The following AFG1L variants were observed in gnomAD, a reference collection of about 807,000 sequenced individuals.
The protein encoded by AFG1L is AFG1-like ATPase.
In AFG1L, 53 loss-of-function variants were observed where a neutral mutation model predicts 62.2. The ratio of observed to expected loss-of-function variants is 0.85; its 90% CI spans 0.68 to 1.07. AFG1L has a LOEUF of 1.07. AFG1L is among the 50% of genes least tolerant of loss of function. The probability of loss-of-function intolerance (pLI) is 0.00; values close to 1 mark genes in which losing one functional copy is unlikely to be tolerated. For synonymous variants in AFG1L, 228 were observed against 210.3 expected (o/e 1.08, Z -0.73); for missense variants, 555 against 590.5 (o/e 0.94, Z 0.62).
intron 5 of AFG1L, among the ~76,000 whole-genome samples, chr6:108,357,071 G>A (rs1384490973): frequency 6.6e-6 from 1 of 151,712 alleles, no homozygotes; most frequent in Non-Finnish European, 1.5e-5. Flanking sequence ...ACACACACAT[G>A]CACGTGCACA....
intron 1 of AFG1L, among the ~76,000 whole-genome samples, chr6:108,310,653 C>T (rs1203630235): frequency 6.7e-6 from 1 of 149,964 alleles, no homozygotes; most frequent in Non-Finnish European, 1.5e-5. Context: ...CAGCTCACTG[C>T]AACCTCCACC....
At chr6:108,465,653 G>A (rs1772634818) in intron 8 of AFG1L, among the ~76,000 whole-genome samples, 1 of 94,534 alleles carries the variant, frequency 1.1e-5, no homozygotes, top group Non-Finnish European at 2.0e-5. Context: ...GAGTCATAGA[G>A]TCACTGCTGC....
intron 1 of AFG1L, among the ~76,000 whole-genome samples, chr6:108,307,665 G>A (rs971315249): frequency 1.3e-5 from 2 of 152,144 alleles, no homozygotes; most frequent in African/African-American, 4.8e-5. Flanking sequence ...TATATTTGGT[G>A]CATATATGTA....
intron 12 of AFG1L, 182 bp from the exon 13 acceptor site, chr6:108,522,115 C>T (rs1198881271): frequency 6.5e-6 from 3 of 463,932 alleles, no homozygotes; most frequent in African/African-American, 3.9e-5. Context: ...TGTTTACTGC[C>T]TATCAGTTTA....
At chr6:108,424,136 A>G (rs894561246) in intron 7 of AFG1L, among the ~76,000 whole-genome samples, 1 of 152,036 alleles carries the variant, frequency 6.6e-6, no homozygotes, top group Non-Finnish European at 1.5e-5. Context: ...TGGGATGAGA[A>G]GGCAATCTTT....
intron 7 of AFG1L, among the ~76,000 whole-genome samples, chr6:108,425,250 G>T (rs1011041833): frequency 6.6e-6 from 1 of 152,082 alleles, no homozygotes; most frequent in Non-Finnish European, 1.5e-5. Flanking sequence ...GGTTACACAT[G>T]GTAGACATTT....
chr6:108,460,348 A>G (rs1310748954), intron 8 of AFG1L, among the ~76,000 whole-genome samples: 1 of 152,132 alleles, frequency 6.6e-6, no homozygotes, highest in Admixed American at 6.5e-5. Flanking sequence ...GAGAATAGAA[A>G]AACATCAGGA....
intron 10 of AFG1L, among the ~76,000 whole-genome samples, chr6:108,479,459 C>A (rs777237045): frequency 1.3e-4 from 20 of 152,120 alleles, no homozygotes; most frequent in Non-Finnish European, 2.1e-4. Context: ...CACTGAATGA[C>A]CTGCAAAAGG....
chr6:108,347,735 C>A (rs901870843), intron 3 of AFG1L, among the ~76,000 whole-genome samples: 33 of 152,168 alleles, frequency 2.2e-4, no homozygotes, highest in Admixed American at 1.2e-3. Context: ...TCTCCTTGGC[C>A]ACCCTCAGCC....
In AFG1L at chr6:108,397,554, G is replaced by A. The variant is rs115934014; in HGVS notation, c.749-4442G>A. ...TTATAGGCATGAGCCATGACGCTCC[G>A]CCTTTTTTATTCTTTCTATTTTTTT... is the stretch of plus-strand genomic sequence containing the variant. On this transcript the variant is annotated intron_variant, in intron 6 of 12. Coordinates refer to ENST00000368977, the MANE Select transcript of AFG1L (RefSeq NM_145315.5). Among the ~76,000 whole-genome samples, 456 of 152,266 alleles carry A rather than the reference G, an allele frequency of 3.0e-3. 2 individuals are homozygous for A. Among genetic ancestry groups the A allele is most frequent in the African/African-American group, 0.01 (432 of 41,574 alleles).
At chr6:108,517,323 G>A (rs1421249644) in intron 11 of AFG1L, among the ~76,000 whole-genome samples, 2 of 152,154 alleles carry the variant, frequency 1.3e-5, no homozygotes, top group Non-Finnish European at 2.9e-5. Context: ...CAATGGAACA[G>A]AACAGAGCCC....
chr6:108,305,011 A>T (rs1317772279), intron 1 of AFG1L, among the ~76,000 whole-genome samples: 1 of 152,246 alleles, frequency 6.6e-6, no homozygotes, highest in Non-Finnish European at 1.5e-5. Context: ...CCTTGCAGGT[A>T]ATTTATGAGA....
chr6:108,417,823 GTTTTAT>G (rs879405935), intron 7 of AFG1L, among the ~76,000 whole-genome samples: 1 of 151,860 alleles, frequency 6.6e-6, no homozygotes, highest in African/African-American at 2.4e-5. Context: ...AAATATAATT[GTTTTAT>G]TTTATTTTAT....
intron 6 of AFG1L, among the ~76,000 whole-genome samples, chr6:108,388,446 C>T (rs1488573156): frequency 6.6e-6 from 1 of 151,964 alleles, no homozygotes; most frequent in African/African-American, 2.4e-5. Flanking sequence ...TCTTGCTTTT[C>T]TAGTTCTTTT....
At chr6:108,497,515 C>G (rs1035228043) in intron 10 of AFG1L, among the ~76,000 whole-genome samples, 2 of 151,868 alleles carry the variant, frequency 1.3e-5, no homozygotes, top group African/African-American at 4.8e-5. Context: ...TTTGCTCTCT[C>G]CCTGCATTTC....
chr6:108,381,009 A>G (rs574328514), intron 6 of AFG1L, among the ~76,000 whole-genome samples: 59 of 152,186 alleles, frequency 3.9e-4, no homozygotes, highest in Non-Finnish European at 1.5e-5. Context: ...TTGAATTAAA[A>G]CTCACAGAGT....
chr6:108,314,952 C>CT (rs1318404010), intron 1 of AFG1L, among the ~76,000 whole-genome samples: 4 of 152,068 alleles, frequency 2.6e-5, no homozygotes, highest in African/African-American at 4.8e-5. Flanking sequence ...GATTCTTGTG[C>CT]TGCAGCCACA....
chr6:108,404,553 C>G lies in AFG1L; in HGVS notation c.807+2499C>G, dbSNP rs529349636. The stretch of plus-strand genomic sequence containing the variant: ...TTATTGTGTAGGTTTGTTAATTATG[C>G]TGTTCAAATCTTTATTCTCATATTT... On this transcript the variant is annotated intron_variant, in intron 7 of 12. Transcript: ENST00000368977. 1.8e-4 allele frequency among the ~76,000 whole-genome samples: 27 copies of G among 151,952 alleles called. No homozygotes were observed. The South Asian group carries it at 5.0e-3, about 28-fold the overall frequency.
intron 6 of AFG1L, among the ~76,000 whole-genome samples, chr6:108,400,347 A>G (rs892159240): frequency 4.0e-5 from 6 of 151,362 alleles, no homozygotes; most frequent in Non-Finnish European, 7.4e-5. Flanking sequence ...AGTTTTTATT[A>G]TGTTGAGGTC....
Sources: allele counts gnomAD v4.1 joint callset (sites outside exome capture counted in the v4.1 genomes callset), GRCh38; gene constraint gnomAD v4.1.1; transcripts MANE v1.5; gene names NCBI Gene and HGNC (gene_info 2026-07-23, HGNC 2026-07-21).